Variants in MROH2A observed in about 807,000 individuals in gnomAD.
MROH2A encodes the protein maestro heat like repeat family member 2A, also known as maestro heat-like repeat-containing protein family member 2A.
In MROH2A, 174 loss-of-function variants were observed where a neutral mutation model predicts 200.4. That is an observed-to-expected ratio of 0.87 (90% confidence interval 0.77 to 0.98). MROH2A has a LOEUF of 0.98. Ranked by LOEUF, MROH2A falls within the 50% of genes least tolerant of loss-of-function variation. The probability of loss-of-function intolerance (pLI) is 0.00; values close to 1 mark genes in which losing one functional copy is unlikely to be tolerated. For synonymous variants in MROH2A, 829 were observed against 840.4 expected (o/e 0.99, Z 0.23); for missense variants, 2,045 against 2,139.6 (o/e 0.96, Z 0.87).
At chr2:233,795,355 A>C (rs527436001) in intron 8 of MROH2A, among the ~76,000 whole-genome samples, 2 of 152,296 alleles carry the variant, frequency 1.3e-5, no homozygotes, top group South Asian at 4.1e-4. Flanking sequence ...CCATCTGTAG[A>C]TCATTCTGGC....
upstream of MROH2A, among the ~76,000 whole-genome samples, chr2:233,776,720 C>T (rs1700717777): frequency 6.6e-6 from 1 of 152,024 alleles, no homozygotes; most frequent in South Asian, 2.1e-4. Context: ...AAAAATGACC[C>T]CTTTCTCCAC....
At chr2:233,804,389 G>A (rs1353906713) in intron 17 of MROH2A, 106 bp from the exon 18 acceptor site, 4 of 1,362,068 alleles carry the variant, frequency 2.9e-6, no homozygotes, top group East Asian at 2.5e-5. Context: ...TTCATCCATG[G>A]AGGGCCTCAA....
intron 3 of MROH2A, among the ~76,000 whole-genome samples, chr2:233,781,331 T>C (rs1241519414): frequency 6.6e-6 from 1 of 152,228 alleles, no homozygotes; most frequent in Non-Finnish European, 1.5e-5. Flanking sequence ...CCATAATGGC[T>C]GTACTAATTT....
At chr2:233,818,192 G>A (rs1703678904) in intron 28 of MROH2A, 67 bp downstream of exon 28, 1 of 1,530,696 alleles carries the variant, frequency 6.5e-7, no homozygotes, top group Non-Finnish European at 8.8e-7. Context: ...CCAGGAGTAT[G>A]GGCTGCGGCC....
At chr2:233,824,708 G>A (rs919034307) in intron 35 of MROH2A, among the ~76,000 whole-genome samples, 5 of 152,216 alleles carry the variant, frequency 3.3e-5, no homozygotes, top group Non-Finnish European at 7.3e-5. Flanking sequence ...TCAGGGCTTT[G>A]GTGAGAGCTA....
At chr2:233,816,487 C>T (rs1217120720) in intron 26 of MROH2A, among the ~76,000 whole-genome samples, 8 of 152,336 alleles carry the variant, frequency 5.3e-5, no homozygotes, top group African/African-American at 9.6e-5. Context: ...TATATCAGAA[C>T]GGCCTCTGGG....
chr2:233,817,942 G>T, intron 27 of MROH2A, 60 bp from the exon 28 acceptor site: 1 of 1,544,316 alleles, frequency 6.5e-7, no homozygotes, highest in Non-Finnish European at 8.7e-7. Context: ...CTGCCCCTGG[G>T]CAGCCCCAGG....
Position 233,828,229 on chromosome 2 carries a change from G to A in MROH2A, c.4114-401G>A, listed in dbSNP as rs535540590. Among the ~76,000 whole-genome samples the A allele has an allele frequency of 2.0e-5, 3 of 152,226 alleles. No homozygotes were observed. Among genetic ancestry groups the A allele is most frequent in the East Asian group, 3.9e-4 (2 of 5,178 alleles). ...TGTACACACATGCATGCACCCACAC[G>A]CATACCAGTGAGGTTTTGGCACTCA... On this transcript the variant is annotated intron_variant, in intron 35 of 41. Transcript: ENST00000389758. The surrounding 1 kb of genome is among the most constrained non-coding windows in gnomAD (Gnocchi z 4.6).
chr2:233,807,313 TC>T lies in MROH2A; in HGVS notation c.2053-109del. On this transcript the variant is annotated intron_variant, in intron 19 of 41. Coordinates refer to ENST00000389758, the MANE Select transcript of MROH2A (RefSeq NM_001394639.1). The surrounding 1 kb of genome is among the most constrained non-coding windows in gnomAD (Gnocchi z 4.3). The stretch of plus-strand genomic sequence containing the variant: ...GCTGTAAACGTGTGTGCAAGTATCT[TC>T]TGCACATTAAAATAAATTGAAAAAT... The T allele has an allele frequency of 8.3e-7, 1 of 1,210,992 alleles. No individual in the cohort carries two copies. The highest frequency in any genetic ancestry group is 1.6e-5 in the South Asian group (1 of 62,472). The allele number at this position is 1,210,992 out of a possible 1,614,324, so 75.0% of individuals were successfully genotyped here. A position where few individuals can be genotyped will look rare whatever the true frequency, so the allele number is the denominator to read the frequency against.
At chr2:233,789,367 T>G in intron 3 of MROH2A, 130 bp from the exon 4 acceptor site, 1 of 948,480 alleles carries the variant, frequency 1.1e-6, no homozygotes, top group Non-Finnish European at 1.4e-6. Context: ...AATGGAGGAA[T>G]GGGGATCTAA....
intron 38 of MROH2A, 76 bp from the exon 39 acceptor site, chr2:233,831,333 C>A: frequency 6.9e-7 from 1 of 1,452,782 alleles, no homozygotes; most frequent in Non-Finnish European, 9.1e-7. Context: ...TGCCCTCTGG[C>A]TTCCTGCCAG....
intron 1 of MROH2A, among the ~76,000 whole-genome samples, chr2:233,778,727 T>A (rs1700789054): frequency 6.6e-6 from 1 of 152,242 alleles, no homozygotes; most frequent in Non-Finnish European, 1.5e-5. Flanking sequence ...AATTTCTCAT[T>A]AGCCATTAAT....
In MROH2A at chr2:233,794,369, C is replaced by G; in HGVS notation, c.829C>G (p.Leu277Val). The G allele has an allele frequency of 6.5e-7, 1 of 1,546,792 alleles. No homozygotes were observed. Among genetic ancestry groups the G allele is most frequent in the Admixed American group, 2.0e-5 (1 of 50,866 alleles). ...WLRHYNPEVK[L>V]GVIKSLKPML... ...AGCTGGTTTCTGGTGGCAGGTGAAG[C>G]TGGGGGTGATCAAGTCCCTGAAGCC... Residue 277 changes from leucine to valine, a missense_variant, in exon 8 of 42, where the codon CTG (leucine) becomes GTG (valine). Around this residue, in one of 3 missense-constraint regions of MROH2A, gnomAD observed 831 missense variants for 800.0 expected, o/e 1.04. Coordinates refer to ENST00000389758, the MANE Select transcript of MROH2A (RefSeq NM_001394639.1).
rs1253628128 is a variant in MROH2A, at chr2:233,794,435, C to A, written c.895C>A (p.Gln299Lys). The A allele has an allele frequency of 1.3e-6, 2 of 1,550,430 alleles. No individual in the cohort carries two copies. The highest frequency in any genetic ancestry group is 4.9e-5 in the East Asian group (2 of 40,898). ...TCTGCCCAACGATGACCTGCGGGAGCAGGTCTACGACTACATCCCCCTGCT... is the reference window on the plus strand; with the variant it reads ...TCTGCCCAACGATGACCTGCGGGAGAAGGTCTACGACTACATCCCCCTGCT... ...LLLPNDDLRE[Q>K]VYDYIPLLLA... The change falls in exon 8 of 42, where the codon CAG becomes AAG. Residue 299 changes from glutamine to lysine, a missense_variant. By Grantham distance (53) the Gln-to-Lys change is moderately conservative. Around this residue, in one of 3 missense-constraint regions of MROH2A, gnomAD observed 831 missense variants for 800.0 expected, o/e 1.04. Transcript: ENST00000389758.
At position 233,790,431 on chromosome 2, in the gene MROH2A, CTCCT is replaced by C. The variant is rs1416965802; in HGVS notation, c.571+426_571+429del. Among the ~76,000 whole-genome samples, 59 of 95,680 alleles carry C rather than the reference CTCCT, an allele frequency of 6.2e-4. 5 individuals carry two copies. Among genetic ancestry groups the C allele is most frequent in the Middle Eastern group, 6.5e-3 (1 of 154 alleles). 62.8% of individuals were successfully genotyped at this position (95,680 alleles called of 152,430 possible). ...CCCTTCCTTCCTCCCCTTTTCTTCT[CTCCT>C]TCCTTCCTCCCTCCCCCCCTTCCTT... On this transcript the variant is annotated intron_variant, in intron 5 of 41. Coordinates refer to ENST00000389758, the MANE Select transcript of MROH2A (RefSeq NM_001394639.1).
chr2:233,789,771 T>C, intron 4 of MROH2A, 81 bp from the exon 5 acceptor site: 1 of 1,489,306 alleles, frequency 6.7e-7, no homozygotes, highest in Non-Finnish European at 9.0e-7. Context: ...CCAGGAGGGG[T>C]GGAGAGAGCC....
At position 233,832,296 on chromosome 2, in the gene MROH2A, C is replaced by T. The variant is rs1281095854; in HGVS notation, c.4837+17C>T. On this transcript the variant is annotated intron_variant, in intron 40 of 41. Transcript: ENST00000389758. ...ACTTGGCAGGTGAGCAGAGAGACGT[C>T]TCCTGACTCAAGATAGACTTTGAAG... is the stretch of plus-strand genomic sequence containing the variant. The T allele has an allele frequency of 6.5e-7, 1 of 1,547,552 alleles. No homozygotes were observed. Among genetic ancestry groups the T allele is most frequent in the East Asian group, 2.4e-5 (1 of 40,918 alleles).
chr2:233,804,024 CT>C, intron 16 of MROH2A, 26 bp from the exon 17 acceptor site: 1 of 1,548,138 alleles, frequency 6.5e-7, no homozygotes, highest in East Asian at 2.4e-5. Flanking sequence ...TCAGGTGCTA[CT>C]TCACTGGAGC....
chr2:233,789,499 T>C lies in MROH2A; in HGVS notation c.279T>C (p.Ile93=). The stretch of plus-strand genomic sequence containing the variant: ...CACCCACCATACTTGTTTCCCAGAT[T>C]TCCACCCAGCGCAAGGTCAACATTT... ...TLIRCLQVPE[I]STQRKVNIYN... Residue 93 remains isoleucine (I), a splice_region_variant and synonymous_variant, in exon 4 of 42, where the codon ATT becomes ATC. Coordinates refer to ENST00000389758, the MANE Select transcript of MROH2A (RefSeq NM_001394639.1). 1 of 1,419,500 alleles carries C rather than the reference T, an allele frequency of 7.0e-7. No individual in the cohort carries two copies. Among genetic ancestry groups the C allele is most frequent in the Non-Finnish European group, 9.2e-7 (1 of 1,081,836 alleles). The allele number at this position is 1,419,500 out of a possible 1,614,324, so 87.9% of individuals were successfully genotyped here.
Sources: gnomAD v4.1 joint callset for allele counts (sites outside exome capture counted in the v4.1 genomes callset) on GRCh38, gnomAD v4.1.1 for gene constraint, gnomAD v4.1.1 regional missense constraint, Gnocchi (gnomAD v3.1) non-coding constraint, MANE v1.5 for transcripts, NCBI Gene and HGNC (gene_info 2026-07-23, HGNC 2026-07-21) for gene names.